Variants in PDSS2 observed in about 807,000 individuals in gnomAD.
PDSS2 encodes the protein all trans-polyprenyl-diphosphate synthase PDSS2.
A neutral mutation model predicts 44.5 loss-of-function variants in PDSS2; 31 were observed. The ratio of observed to expected loss-of-function variants is 0.70; its 90% CI spans 0.52 to 0.94. PDSS2 has a LOEUF of 0.94. Ranked by LOEUF, PDSS2 falls within the 40% of genes least tolerant of loss-of-function variation. The pLI is 0.00. For synonymous variants in PDSS2, 157 were observed against 180.3 expected, an observed-to-expected ratio of 0.87 and a Z score of 1.03; for missense variants, 452 against 482.2, an observed-to-expected ratio of 0.94 and a Z score of 0.59.
chr6:107,161,059 G>A (rs1263126307), intron 7 of PDSS2, among the ~76,000 whole-genome samples: 1 of 151,686 alleles, frequency 6.6e-6, no homozygotes, highest in African/African-American at 2.4e-5. Context: ...TTTTTTAATA[G>A]AGATGTGTTT....
intron 7 of PDSS2, among the ~76,000 whole-genome samples, chr6:107,161,533 A>G (rs1480978295): frequency 2.6e-5 from 4 of 151,730 alleles, no homozygotes; most frequent in Non-Finnish European, 4.4e-5. Context: ...TTCAATTTGT[A>G]TTATAAATTA....
chr6:107,421,855 C>T (rs1007248532), intron 1 of PDSS2, among the ~76,000 whole-genome samples: 9 of 147,644 alleles, frequency 6.1e-5, no homozygotes, highest in South Asian at 2.1e-4. Context: ...CATGTAAAAA[C>T]GAGTGAAAGC....
chr6:107,317,365 G>A (rs763415), intron 2 of PDSS2, among the ~76,000 whole-genome samples: 24,557 of 152,124 alleles, frequency 0.16, 2,131 homozygotes, highest in South Asian at 0.2. Flanking sequence ...GAGATGAAGT[G>A]TGATAAACTG....
At chr6:107,441,257 T>G (rs1297583929) in intron 1 of PDSS2, among the ~76,000 whole-genome samples, 1 of 152,158 alleles carries the variant, frequency 6.6e-6, no homozygotes, top group Non-Finnish European at 1.5e-5. Context: ...TTCAAATGCT[T>G]CTACCAACAT....
At position 107,432,713 on chromosome 6, in the gene PDSS2, G is replaced by A. The variant is rs1454637544; in HGVS notation, c.296+26277C>T. Among the ~76,000 whole-genome samples the A allele has an allele frequency of 2.0e-5, 3 of 152,264 alleles. 1 individual carries two copies. In the East Asian group the frequency reaches 5.8e-4, roughly 29 times the overall value. ...GTGGAGGTTGCAGTGAGCCAAGATT[G>A]TGTCATTGCACTCCAGCCTGGGCGA... On this transcript the variant is annotated intron_variant, in intron 1 of 7. Transcript: ENST00000369037.
chr6:107,424,751 A>G (rs1780936418), intron 1 of PDSS2, among the ~76,000 whole-genome samples: 1 of 152,260 alleles, frequency 6.6e-6, no homozygotes, highest in Admixed American at 6.5e-5. Context: ...ACAAGAAATT[A>G]GAGACCTCAT....
chr6:107,375,956 A>G (rs1779272742), intron 1 of PDSS2, among the ~76,000 whole-genome samples: 1 of 151,316 alleles, frequency 6.6e-6, no homozygotes, highest in Non-Finnish European at 1.5e-5. Context: ...AAAATTCAAC[A>G]TCCATTTATG....
rs1328919317 is a variant in PDSS2, at chr6:107,153,178, T to G, written c.*1441A>C. ...AGCGAACTAGGTAATAAAATCTGTT[T>G]GCTGTATTCGCTGTCTCCAGATAGG... On this transcript the variant is annotated 3_prime_UTR_variant, in exon 8 of 8. Coordinates refer to ENST00000369037, the MANE Select transcript of PDSS2 (RefSeq NM_020381.4). 1 of 152,654 alleles carries G rather than the reference T, an allele frequency of 6.6e-6. No homozygotes were observed. The highest frequency in any genetic ancestry group is 1.5e-5 in the Non-Finnish European group (1 of 68,046). 9.5% of individuals were successfully genotyped at this position (152,654 alleles called of 1,614,324 possible).
In PDSS2 at chr6:107,459,313, T is replaced by G; in HGVS notation, c.-28A>C. The G allele has an allele frequency of 1.2e-6, 2 of 1,605,900 alleles. No individual in the cohort carries two copies. The highest frequency in any genetic ancestry group is 1.7e-6 in the Non-Finnish European group (2 of 1,173,798). On this transcript the variant is annotated 5_prime_UTR_variant, in exon 1 of 8. Coordinates refer to ENST00000369037, the MANE Select transcript of PDSS2 (RefSeq NM_020381.4). The surrounding 1 kb of genome is among the most constrained non-coding windows in gnomAD (Gnocchi z 4.3). ...TTTGAGTCTGGAAGGGTCTGGGACC[T>G]GGGGGTATCCAGAAGTGCCGCGGGA... is the stretch of plus-strand genomic sequence containing the variant.
At chr6:107,263,667 C>T (rs1231997701) in intron 3 of PDSS2, among the ~76,000 whole-genome samples, 2 of 152,052 alleles carry the variant, frequency 1.3e-5, no homozygotes, top group South Asian at 2.1e-4. Context: ...ATTTAAAATT[C>T]GTCTTATTTC....
At chr6:107,372,621 G>A (rs1039730632) in intron 1 of PDSS2, among the ~76,000 whole-genome samples, 14 of 151,644 alleles carry the variant, frequency 9.2e-5, no homozygotes, top group African/African-American at 3.4e-4. Context: ...TCGGCTAATT[G>A]TTTTGGATTT....
At chr6:107,273,903 T>G (rs1775685004) in intron 3 of PDSS2, 126 bp downstream of exon 3, 3 of 753,958 alleles carry the variant, frequency 4.0e-6, no homozygotes, top group African/African-American at 1.7e-5. Flanking sequence ...CATCACAGTT[T>G]TACTGTTTAC....
chr6:107,455,788 A>G (rs1477016901), intron 1 of PDSS2, among the ~76,000 whole-genome samples: 1 of 149,438 alleles, frequency 6.7e-6, no homozygotes, highest in Non-Finnish European at 1.5e-5. Flanking sequence ...AAAAAACTTA[A>G]GAAATCTCTT....
At chr6:107,451,356 T>C (rs905647206) in intron 1 of PDSS2, among the ~76,000 whole-genome samples, 2 of 152,110 alleles carry the variant, frequency 1.3e-5, no homozygotes, top group South Asian at 2.1e-4. Context: ...AAAAGAGTCT[T>C]GGAAGATGTC....
intron 4 of PDSS2, among the ~76,000 whole-genome samples, chr6:107,234,259 G>A (rs948479851): frequency 6.6e-6 from 1 of 151,310 alleles, no homozygotes; most frequent in Non-Finnish European, 1.5e-5. Context: ...AGGCTGGAGT[G>A]CAATGGTGCC....
chr6:107,172,255 G>A (rs1469540934), intron 7 of PDSS2, among the ~76,000 whole-genome samples: 4 of 152,204 alleles, frequency 2.6e-5, no homozygotes, highest in African/African-American at 9.6e-5. Context: ...ATCACTGTAT[G>A]TCTCTGAAAA....
At chr6:107,191,032 C>T (rs956464466) in intron 7 of PDSS2, among the ~76,000 whole-genome samples, 9 of 152,132 alleles carry the variant, frequency 5.9e-5, no homozygotes, top group South Asian at 4.1e-4. Context: ...GCTGGGACTA[C>T]AGGCGCCCGC....
intron 2 of PDSS2, among the ~76,000 whole-genome samples, chr6:107,290,359 G>T (rs1776302690): frequency 1.3e-5 from 2 of 152,152 alleles, no homozygotes; most frequent in African/African-American, 4.8e-5. Context: ...TAGATGTGAG[G>T]CTGGAGTGGT....
chr6:107,274,667 C>CTTTTTTTTTTTTTTTTTTTTTT (rs5878910), intron 2 of PDSS2, among the ~76,000 whole-genome samples: 4 of 106,560 alleles, frequency 3.8e-5, no homozygotes, highest in Non-Finnish European at 1.9e-5. Context: ...ATCTCTCTCT[C>CTTTTTTTTTTTTTTTTTTTTTT]TTTTTTTTTT....
Sources: gnomAD v4.1 joint callset for allele counts (sites outside exome capture counted in the v4.1 genomes callset) on GRCh38, gnomAD v4.1.1 for gene constraint, Gnocchi (gnomAD v3.1) non-coding constraint, MANE v1.5 for transcripts, NCBI Gene and HGNC (gene_info 2026-07-23, HGNC 2026-07-21) for gene names.